SLC26A8: variants seen among roughly 807,000 people sequenced by gnomAD.
SLC26A8 encodes the protein solute carrier family 26 member 8, also known as testis anion transporter 1.
SLC26A8 carries 70 observed loss-of-function variants against 105.0 expected under a neutral mutation model. The ratio of observed to expected loss-of-function variants is 0.67; its 90% confidence interval spans 0.55 to 0.81. SLC26A8 has a LOEUF of 0.81. Among genes scored for constraint, SLC26A8 ranks in the 40% least tolerant of loss-of-function variants. SLC26A8 has a pLI of 0.00. For synonymous variants in SLC26A8, 415 were observed against 438.3 expected (o/e 0.95, Z 0.66); for missense variants, 998 against 1,181.8 (o/e 0.84, Z 2.28).
chr6:35,954,088 G>C (rs1301404843), intron 17 of SLC26A8, among the ~76,000 whole-genome samples: 2 of 152,110 alleles, frequency 1.3e-5, no homozygotes, highest in African/African-American at 4.8e-5. Context: ...TGTAAACTGG[G>C]ATAAGCTGGC....
At chr6:36,019,073 G>A (rs1311328210) in intron 2 of SLC26A8, among the ~76,000 whole-genome samples, 6 of 152,044 alleles carry the variant, frequency 3.9e-5, no homozygotes, top group African/African-American at 9.7e-5. Flanking sequence ...ATTACAGCAC[G>A]TGCCACCACG....
At chr6:35,997,592 A>G (rs886565763) in intron 5 of SLC26A8, 146 bp downstream of exon 5, 11 of 771,756 alleles carry the variant, frequency 1.4e-5, no homozygotes, top group Non-Finnish European at 2.2e-5. Context: ...GAGACACGCT[A>G]TTCACACAGC....
chr6:35,985,030 G>A (rs1773437814), intron 7 of SLC26A8, among the ~76,000 whole-genome samples: 1 of 152,064 alleles, frequency 6.6e-6, no homozygotes, highest in Non-Finnish European at 1.5e-5. Context: ...CACAGCTTAG[G>A]TCTCCACAAC....
At chr6:35,975,327 G>T (rs1562036757) in intron 10 of SLC26A8, 48 bp downstream of exon 10, 5 of 1,039,938 alleles carry the variant, frequency 4.8e-6, no homozygotes, top group South Asian at 2.9e-5. Flanking sequence ...CATATGAATT[G>T]ATATGAATAT....
chr6:36,003,032 T>A (rs1022265174), intron 3 of SLC26A8, among the ~76,000 whole-genome samples: 9 of 152,212 alleles, frequency 5.9e-5, no homozygotes, highest in Non-Finnish European at 1.0e-4. Flanking sequence ...CAGCTTTGAA[T>A]AGATAGAAGT....
Position 35,985,465 on chromosome 6 carries a change from T to C in SLC26A8, c.943-3262A>G, listed in dbSNP as rs535032175. On this transcript the variant is annotated intron_variant, in intron 7 of 19. Coordinates refer to ENST00000490799, the MANE Select transcript of SLC26A8 (RefSeq NM_052961.4). ...ATCCCAGCACTTTGGGAGGCCAAGG[T>C]GGGCAGATCACGAAGTCAGGAGATC... is the stretch of plus-strand genomic sequence containing the variant. Among the ~76,000 whole-genome samples, 29 of 151,772 alleles carry C rather than the reference T, an allele frequency of 1.9e-4. 2 individuals are homozygous for C. In the Middle Eastern group the frequency reaches 0.031, roughly 162 times the overall value.
chr6:36,016,209 G>T (rs1406816170), intron 2 of SLC26A8, among the ~76,000 whole-genome samples: 1 of 152,018 alleles, frequency 6.6e-6, no homozygotes, highest in Admixed American at 6.6e-5. Flanking sequence ...GGCCAGGATG[G>T]TCTCAAACTC....
intron 8 of SLC26A8, among the ~76,000 whole-genome samples, chr6:35,977,626 T>C (rs550572762): frequency 1.3e-5 from 2 of 152,234 alleles, no homozygotes; most frequent in Admixed American, 6.5e-5. Context: ...ACATTAACGA[T>C]TCACGAAAAA....
rs762467882 is a variant in SLC26A8, at chr6:35,982,199, A to G, written c.947T>C (p.Ile316Thr). The change falls in exon 8 of 20, where the codon ATT becomes ACT. Residue 316 changes from isoleucine to threonine, a missense_variant. Physicochemically the swap from Ile to Thr is moderately conservative, Grantham distance 89. Coordinates refer to ENST00000490799, the MANE Select transcript of SLC26A8 (RefSeq NM_052961.4). ...CTTGTTTGCAATCACAGTGAAGCCA[A>G]TAATCTGTAGGGGGTAAAAAAAGAA... ...IEFPMELFLI[I>T]GFTVIANKIS... is the part of the protein sequence containing the mutation. 2 of 1,614,088 alleles carry G rather than the reference A, an allele frequency of 1.2e-6. No homozygotes were observed. Among genetic ancestry groups the G allele is most frequent in the Admixed American group, 1.7e-5 (1 of 60,008 alleles).
intron 9 of SLC26A8, 64 bp downstream of exon 9, chr6:35,977,140 T>C (rs111602610): frequency 6.6e-7 from 1 of 1,520,602 alleles, no homozygotes; most frequent in Admixed American, 2.1e-5. Context: ...CTGCTTCATG[T>C]TGGCAGGAGG....
At position 36,012,313 on chromosome 6, in the gene SLC26A8, A is replaced by G. The variant is rs549200030; in HGVS notation, c.248T>C (p.Met83Thr). 127 of 1,610,300 alleles carry G rather than the reference A, an allele frequency of 7.9e-5. 1 individual carries two copies. The South Asian group carries it at 1.2e-3, about 15-fold the overall frequency. The change falls in exon 3 of 20, where the codon ATG (methionine) becomes ACG (threonine). Residue 83 changes from methionine (M) to threonine (T), a missense_variant. Physicochemically the swap from Met to Thr is moderately conservative, Grantham distance 81. Transcript: ENST00000490799. ...CCAATCCTTTAATCGATACATACAC[A>G]TCCATTCTAGGAAGGGAAAGATTGT... The part of the protein sequence containing the change: ...VLTIFPFLEW[M>T]CMYRLKDWLL...
In SLC26A8 at chr6:36,000,035, C is replaced by T. The variant is rs148733615; in HGVS notation, c.402G>A (p.Ser134=). ...LNIAYAAFCS[S]VIYVIFGSCH... ...ACGATCCAAAAATTACATAGATTAC[C>T]GAAGAACAGAAAGCTGCATAAGCGA... The change falls in exon 4 of 20, where the codon TCG becomes TCA. Residue 134 remains serine (S), a synonymous_variant. Transcript: ENST00000490799. 2.0e-4 allele frequency: 330 copies of T among 1,613,966 alleles called. No individual in the cohort carries two copies. The African/African-American group carries it at 3.4e-3, about 16-fold the overall frequency.
intron 4 of SLC26A8, among the ~76,000 whole-genome samples, chr6:35,998,752 C>A (rs181392200): frequency 2.4e-3 from 371 of 152,062 alleles, no homozygotes; most frequent in Non-Finnish European, 4.4e-3. Context: ...TCTCTAACAA[C>A]CCTTATTATA....
chr6:35,976,223 A>G (rs1471206343), intron 9 of SLC26A8, among the ~76,000 whole-genome samples: 1 of 151,978 alleles, frequency 6.6e-6, no homozygotes, highest in Non-Finnish European at 1.5e-5. Context: ...CAGGAGTTCG[A>G]GACCAGTCTG....
chr6:35,988,498 G>C (rs1169386684), intron 7 of SLC26A8, among the ~76,000 whole-genome samples: 2 of 151,970 alleles, frequency 1.3e-5, no homozygotes, highest in Non-Finnish European at 2.9e-5. Context: ...AGCTGGGCAT[G>C]GTGGTGGGCA....
chr6:36,014,620 G>A (rs548922461), intron 2 of SLC26A8, among the ~76,000 whole-genome samples: 4 of 152,310 alleles, frequency 2.6e-5, no homozygotes, highest in South Asian at 4.1e-4. Flanking sequence ...GGTGGCTCAT[G>A]CCTGTAATCC....
At chr6:36,014,067 A>T (rs1445901399) in intron 2 of SLC26A8, among the ~76,000 whole-genome samples, 1 of 152,184 alleles carries the variant, frequency 6.6e-6, no homozygotes, top group Non-Finnish European at 1.5e-5. Flanking sequence ...ATTGGTTTGG[A>T]AGGAACATCA....
intron 4 of SLC26A8, among the ~76,000 whole-genome samples, chr6:35,998,164 G>A (rs1433809203): frequency 6.6e-6 from 1 of 152,216 alleles, no homozygotes; most frequent in South Asian, 2.1e-4. Flanking sequence ...TGGGTATGTT[G>A]AGTGGAATAG....
Position 35,992,607 on chromosome 6 carries a change from T to A in SLC26A8, c.695A>T (p.Tyr232Phe). ...GATATGAAGTGCCACAGCAGCCAGGTAAGCACTCATTGCAGACTCCGGAAG... is the reference window on the plus strand; with the variant it reads ...GATATGAAGTGCCACAGCAGCCAGGAAAGCACTCATTGCAGACTCCGGAAG... ...TYLPESAMSA[Y>F]LAAVALHIML... is the part of the protein sequence containing the mutation. Residue 232 changes from tyrosine (Y) to phenylalanine (F), a missense_variant, in exon 6 of 20, where the codon TAC becomes TTC. By Grantham distance (22) the Tyr-to-Phe change is conservative. Coordinates refer to ENST00000490799, the MANE Select transcript of SLC26A8 (RefSeq NM_052961.4). The A allele has an allele frequency of 6.2e-7, 1 of 1,614,116 alleles. No homozygotes were observed. Among genetic ancestry groups the A allele is most frequent in the Non-Finnish European group, 8.5e-7 (1 of 1,180,016 alleles).
Sources: gnomAD v4.1 joint callset for allele counts (sites outside exome capture counted in the v4.1 genomes callset) on GRCh38, gnomAD v4.1.1 for gene constraint, MANE v1.5 for transcripts, NCBI Gene and HGNC (gene_info 2026-07-23, HGNC 2026-07-21) for gene names.